Variants in ZNF441 observed in about 807,000 individuals in gnomAD.
The protein encoded by ZNF441 is zinc finger protein 441.
A neutral mutation model predicts 64.5 loss-of-function variants in ZNF441; 25 were observed. The observed-to-expected ratio is 0.39, with a 90% CI of 0.28 to 0.54. The LOEUF (loss-of-function observed/expected upper bound fraction) is 0.54, where lower values mean the gene tolerates loss of function less well. Among genes scored for constraint, ZNF441 ranks in the 20% least tolerant of loss-of-function variants. ZNF441 has a pLI of 0.70. For missense variants in ZNF441, 715 were observed against 843.3 expected (o/e 0.85, Z 1.88); for synonymous variants, 262 against 268.0 (o/e 0.98, Z 0.22).
In ZNF441 at chr19:11,780,259, A is replaced by C. The variant is rs1205504785; in HGVS notation, c.435A>C (p.Gln145His). The C allele has an allele frequency of 6.2e-7, 1 of 1,614,202 alleles. No homozygotes were observed. Among genetic ancestry groups the C allele is most frequent in the Admixed American group, 1.7e-5 (1 of 60,032 alleles). The change falls in exon 4 of 4, where the codon CAA (glutamine) becomes CAC (histidine). Residue 145 changes from glutamine to histidine, a missense_variant. Gln to His is a conservative substitution (Grantham distance 24, BLOSUM62 0). Coordinates refer to ENST00000357901, the MANE Select transcript of ZNF441 (RefSeq NM_152355.3). ...GAGAGAAGCCATATACACATACACA[A>C]TGTGGGACAGCTTTCAGTTATCAGC... is the stretch of plus-strand genomic sequence containing the variant. ...EYGEKPYTHT[Q>H]CGTAFSYQPC...
At chr19:11,775,415 C>T (rs769834382) in intron 1 of ZNF441, among the ~76,000 whole-genome samples, 110 of 151,980 alleles carry the variant, frequency 7.2e-4, no homozygotes, top group African/African-American at 6.3e-4. Context: ...CTGCAAGCTC[C>T]GCCTCCTGAG....
At position 11,781,605 on chromosome 19, in the gene ZNF441, A is replaced by C; in HGVS notation, c.1781A>C (p.Lys594Thr). ...CCTCATAAATGTAAGATATGTGGGA[A>C]AGGCTTTGATTATCCCAGTTCAGTG... ...NGPHKCKICG[K>T]GFDYPSSVQR... is the part of the protein sequence containing the mutation. The change falls in exon 4 of 4, where the codon AAA becomes ACA. Residue 594 changes from lysine (K) to threonine (T), a missense_variant. Coordinates refer to ENST00000357901, the MANE Select transcript of ZNF441 (RefSeq NM_152355.3). 2 of 1,614,124 alleles carry C rather than the reference A, an allele frequency of 1.2e-6. No homozygotes were observed. The highest frequency in any genetic ancestry group is 1.1e-5 in the South Asian group (1 of 91,088).
intron 1 of ZNF441, among the ~76,000 whole-genome samples, chr19:11,772,949 G>A (rs931897764): frequency 9.2e-5 from 14 of 152,048 alleles, no homozygotes; most frequent in Non-Finnish European, 1.9e-4. Flanking sequence ...CTGCCACCAC[G>A]CCCGACTAAT....
intron 1 of ZNF441, among the ~76,000 whole-genome samples, chr19:11,775,667 G>T (rs1412581492): frequency 1.7e-5 from 2 of 120,288 alleles, no homozygotes; most frequent in Non-Finnish European, 3.2e-5. Flanking sequence ...TTGCTTTATC[G>T]CCCAGGCTGG....
chr19:11,772,420 G>A (rs1975322053), intron 1 of ZNF441, among the ~76,000 whole-genome samples: 1 of 152,142 alleles, frequency 6.6e-6, no homozygotes, highest in Non-Finnish European at 1.5e-5. Context: ...TGGGTGCACT[G>A]GTAGGCTAGG....
chr19:11,775,343 T>G (rs1975345422), intron 1 of ZNF441, among the ~76,000 whole-genome samples: 1 of 152,210 alleles, frequency 6.6e-6, no homozygotes, highest in Non-Finnish European at 1.5e-5. Flanking sequence ...TGCCCCCTTT[T>G]TTTTGAGATG....
chr19:11,774,000 T>A (rs1198070939), intron 1 of ZNF441, among the ~76,000 whole-genome samples: 1 of 152,176 alleles, frequency 6.6e-6, no homozygotes, highest in African/African-American at 2.4e-5. Context: ...TTTTTTCCAC[T>A]TTCTCCTTTC....
chr19:11,775,214 A>G (rs552263937), intron 1 of ZNF441, among the ~76,000 whole-genome samples: 2 of 152,260 alleles, frequency 1.3e-5, no homozygotes. Flanking sequence ...AAACTGAGAG[A>G]TGATGCAGAG....
intron 1 of ZNF441, among the ~76,000 whole-genome samples, chr19:11,773,343 C>T (rs1258906963): frequency 2.0e-5 from 3 of 152,024 alleles, no homozygotes; most frequent in African/African-American, 7.2e-5. Context: ...AAAATGTGTT[C>T]AAGTGTGTTT....
chr19:11,767,047 C>T lies in ZNF441; in HGVS notation c.-147C>T. Reference sequence around the variant, plus strand: ...AGGAGGGTGCAAGGTTCAAAGAGCCCGCCGAGTCTTCTCCACGCCCCTGCA... The same window carrying T: ...AGGAGGGTGCAAGGTTCAAAGAGCCTGCCGAGTCTTCTCCACGCCCCTGCA... On this transcript the variant is annotated 5_prime_UTR_variant, in exon 1 of 4. Coordinates refer to ENST00000357901, the MANE Select transcript of ZNF441 (RefSeq NM_152355.3). The surrounding 1 kb of genome is among the most constrained non-coding windows in gnomAD (Gnocchi z 5.1). 1 of 1,225,302 alleles carries T rather than the reference C, an allele frequency of 8.2e-7. No individual in the cohort carries two copies. Among genetic ancestry groups the T allele is most frequent in the Non-Finnish European group, 1.1e-6 (1 of 871,354 alleles). 75.9% of individuals were successfully genotyped at this position (1,225,302 alleles called of 1,614,324 possible).
intron 1 of ZNF441, among the ~76,000 whole-genome samples, chr19:11,773,569 T>C (rs753330210): frequency 1.8e-4 from 28 of 152,186 alleles, no homozygotes; most frequent in Non-Finnish European, 5.9e-5. Context: ...CCAACTATAG[T>C]TGTAGATTTG....
Position 11,780,661 on chromosome 19 carries a change from C to A in ZNF441, c.837C>A (p.Ser279=). Residue 279 remains serine, a synonymous_variant, in exon 4 of 4, where the codon TCC becomes TCA. Coordinates refer to ENST00000357901, the MANE Select transcript of ZNF441 (RefSeq NM_152355.3). ...AAAGGACTCACACTGGAGAACAATC[C>A]TATGAATGTAAGCAATGTGGGAAAG... ...LYERTHTGEQ[S]YECKQCGKAF... The A allele has an allele frequency of 6.2e-7, 1 of 1,613,822 alleles. No individual in the cohort carries two copies. The highest frequency in any genetic ancestry group is 1.1e-5 in the South Asian group (1 of 91,052).
chr19:11,779,984 C>A, intron 3 of ZNF441, 35 bp from the exon 4 acceptor site: 2 of 1,466,394 alleles, frequency 1.4e-6, no homozygotes, highest in South Asian at 1.3e-5. Context: ...CATTTATAAA[C>A]AAACCTTTAC....
intron 1 of ZNF441, among the ~76,000 whole-genome samples, chr19:11,770,881 G>A (rs954946514): frequency 3.3e-5 from 5 of 150,108 alleles, no homozygotes; most frequent in Non-Finnish European, 7.4e-5. Flanking sequence ...GAGCCACCAC[G>A]CCTAGCCTAC....
At position 11,780,830 on chromosome 19, in the gene ZNF441, T is replaced by C; in HGVS notation, c.1006T>C (p.Tyr336His). The C allele has an allele frequency of 1.2e-6, 2 of 1,614,146 alleles. No homozygotes were observed. The highest frequency in any genetic ancestry group is 1.7e-6 in the Non-Finnish European group (2 of 1,180,014). Residue 336 changes from tyrosine (Y) to histidine (H), a missense_variant, in exon 4 of 4, where the codon TAT (tyrosine) becomes CAT (histidine). Tyr to His is a moderately conservative substitution (Grantham distance 83, BLOSUM62 2). Transcript: ENST00000357901. ...HKRTHTGEKP[Y>H]ECKYCGKAFS... ...AAGAACTCACACTGGAGAGAAACCG[T>C]ATGAATGTAAGTATTGTGGGAAAGC...
Position 11,781,853 on chromosome 19 carries a change from G to A in ZNF441, c.2029G>A (p.Gly677Arg). ...GAAACCCTATAAGTGTAAAGAATGT[G>A]GGGAAGCATTTCATTGTATCAGTTC... ...MEKPYKCKEC[G>R]EAFHCISSFH... Residue 677 changes from glycine (G) to arginine (R), a missense_variant, in exon 4 of 4, where the codon GGG becomes AGG. Gly to Arg is a moderately radical substitution (Grantham distance 125). Coordinates refer to ENST00000357901, the MANE Select transcript of ZNF441 (RefSeq NM_152355.3). 1 of 1,608,732 alleles carries A rather than the reference G, an allele frequency of 6.2e-7. No homozygotes were observed. Among genetic ancestry groups the A allele is most frequent in the Non-Finnish European group, 8.5e-7 (1 of 1,176,706 alleles).
At chr19:11,772,631 G>C (rs567230495) in intron 1 of ZNF441, among the ~76,000 whole-genome samples, 1 of 152,130 alleles carries the variant, frequency 6.6e-6, no homozygotes, top group Non-Finnish European at 1.5e-5. Context: ...CAGCACTTTG[G>C]GAGACCAAGA....
intron 2 of ZNF441, chr19:11,777,942 A>T: frequency 2.0e-6 from 1 of 489,940 alleles, no homozygotes; most frequent in East Asian, 3.7e-5. Context: ...TAAACAGTTG[A>T]TTAATACATG....
intron 3 of ZNF441, among the ~76,000 whole-genome samples, chr19:11,778,837 A>G (rs1252003946): frequency 1.3e-5 from 2 of 152,220 alleles, no homozygotes; most frequent in Non-Finnish European, 2.9e-5. Flanking sequence ...CTTCAAAAAC[A>G]TATACTTAAA....
Sources: gnomAD v4.1 joint callset for allele counts (sites outside exome capture counted in the v4.1 genomes callset) on GRCh38, gnomAD v4.1.1 for gene constraint, Gnocchi (gnomAD v3.1) non-coding constraint, MANE v1.5 for transcripts, NCBI Gene and HGNC (gene_info 2026-07-23, HGNC 2026-07-21) for gene names.